The following LARGE1 variants were observed in gnomAD, a reference collection of about 807,000 sequenced individuals.
LARGE1 encodes the protein xylosyl- and glucuronyltransferase LARGE1.
Under a neutral mutation model 87.6 loss-of-function variants are expected in LARGE1, and 43 were observed. The observed-to-expected ratio is 0.49, with a 90% confidence interval of 0.38 to 0.63. The LOEUF (loss-of-function observed/expected upper bound fraction) is 0.63, where lower values mean the gene tolerates loss of function less well. Ranked by LOEUF, LARGE1 falls within the 30% of genes least tolerant of loss-of-function variation. The probability of loss-of-function intolerance (pLI) is 0.00; values close to 1 mark genes in which losing one functional copy is unlikely to be tolerated. For synonymous variants in LARGE1, 434 were observed against 394.6 expected (o/e 1.10, Z -1.18); for missense variants, 802 against 1,000.2 (o/e 0.80, Z 2.67).
chr22:33,870,591 G>A (rs1157080531), intron 1 of LARGE1, among the ~76,000 whole-genome samples: 1 of 151,644 alleles, frequency 6.6e-6, no homozygotes. Flanking sequence ...TGTTGTTTGA[G>A]ACCGTCTCGT....
intron 2 of LARGE1, among the ~76,000 whole-genome samples, chr22:33,658,644 T>C (rs2081037620): frequency 1.3e-5 from 2 of 152,248 alleles, no homozygotes; most frequent in South Asian, 2.1e-4. Context: ...CTGCATAGTA[T>C]TCCATGGTGT....
intron 6 of LARGE1, chr22:33,436,760 T>G (rs1239834426): frequency 6.6e-6 from 1 of 152,574 alleles, no homozygotes; most frequent in Non-Finnish European, 1.5e-5. Context: ...ACAGATAGCC[T>G]GCATCGAATC....
intron 7 of LARGE1, among the ~76,000 whole-genome samples, chr22:33,412,978 C>T (rs1569141996): frequency 6.6e-6 from 1 of 152,198 alleles, no homozygotes; most frequent in East Asian, 1.9e-4. Flanking sequence ...TTAATAGTGG[C>T]TATGTTTAAC....
intron 2 of LARGE1, among the ~76,000 whole-genome samples, chr22:33,660,265 C>T (rs929348068): frequency 1.8e-4 from 27 of 152,024 alleles, no homozygotes; most frequent in African/African-American, 6.3e-4. Flanking sequence ...GCATTCAAAT[C>T]GTCACCAACC....
chr22:33,426,849 A>C (rs2066899015), intron 7 of LARGE1, among the ~76,000 whole-genome samples: 1 of 152,230 alleles, frequency 6.6e-6, no homozygotes, highest in South Asian at 2.1e-4. Context: ...TTGTTTTAAA[A>C]AGCACATTCT....
chr22:33,375,459 C>T (rs972744554), intron 9 of LARGE1, among the ~76,000 whole-genome samples: 1 of 151,912 alleles, frequency 6.6e-6, no homozygotes, highest in African/African-American at 2.4e-5. Context: ...ACCAGCCTGG[C>T]ATACATGGTG....
intron 11 of LARGE1, among the ~76,000 whole-genome samples, chr22:33,208,979 C>T (rs1343905822): frequency 6.6e-6 from 1 of 152,180 alleles, no homozygotes; most frequent in Non-Finnish European, 1.5e-5. Flanking sequence ...CATTGATGGG[C>T]ATTTGGGTTG....
chr22:33,613,385 CCT>C (rs576987935), intron 4 of LARGE1, among the ~76,000 whole-genome samples: 152 of 152,282 alleles, frequency 1.0e-3, no homozygotes, highest in South Asian at 4.4e-3. Context: ...AAATAGTTCC[CCT>C]GAGCTTTAAC....
chr22:33,646,330 C>T (rs773473132), intron 3 of LARGE1, among the ~76,000 whole-genome samples: 2 of 152,060 alleles, frequency 1.3e-5, no homozygotes, highest in Non-Finnish European at 2.9e-5. Context: ...CAAACTAACA[C>T]AGGAACAGAA....
intron 6 of LARGE1, among the ~76,000 whole-genome samples, chr22:33,473,304 G>C (rs374695325): frequency 1.4e-4 from 21 of 152,056 alleles, no homozygotes; most frequent in African/African-American, 4.8e-4. Context: ...AAGTAGCTGG[G>C]ATTAAAGGCA....
chr22:33,580,796 C>T (rs1407240609), intron 5 of LARGE1, among the ~76,000 whole-genome samples: 1 of 152,214 alleles, frequency 6.6e-6, no homozygotes, highest in Non-Finnish European at 1.5e-5. Flanking sequence ...TTGCTATTTT[C>T]TCTTCAAACA....
intron 9 of LARGE1, 32 bp downstream of exon 9, chr22:33,381,887 T>TA: frequency 6.2e-7 from 1 of 1,613,498 alleles, no homozygotes. Flanking sequence ...CACCTCACCC[T>TA]ACCTCCAGGG....
chr22:33,780,629 A>G (rs1304298645), intron 1 of LARGE1, among the ~76,000 whole-genome samples: 1 of 152,242 alleles, frequency 6.6e-6, no homozygotes, highest in Non-Finnish European at 1.5e-5. Context: ...AAATTAAAAT[A>G]ACTGTGGGTT....
At chr22:33,581,595 C>T (rs565815646) in intron 5 of LARGE1, among the ~76,000 whole-genome samples, 33 of 151,952 alleles carry the variant, frequency 2.2e-4, no homozygotes, top group Non-Finnish European at 4.6e-4. Flanking sequence ...GGGCAGATCA[C>T]GAGGTCAAGA....
At chr22:33,555,292 C>T (rs149224999) in intron 6 of LARGE1, among the ~76,000 whole-genome samples, 2,005 of 152,204 alleles carry the variant, frequency 0.013, 20 homozygotes, top group Middle Eastern at 0.02. Context: ...CACACAATAA[C>T]CAGATGGAGC....
the LARGE1 span, among the ~76,000 whole-genome samples, chr22:33,092,059 C>T: frequency 4.6e-5 from 7 of 151,976 alleles, no homozygotes; most frequent in Non-Finnish European, 7.4e-5. Flanking sequence ...ACCACTACAC[C>T]CAGCTAATTT....
intron 6 of LARGE1, among the ~76,000 whole-genome samples, chr22:33,475,670 T>A (rs2148150181): frequency 6.6e-6 from 1 of 152,056 alleles, no homozygotes; most frequent in South Asian, 2.1e-4. Context: ...TCCAAGTCGG[T>A]CAGAGTGGTC....
chr22:33,156,889 T>G, the LARGE1 span, among the ~76,000 whole-genome samples: 2 of 152,142 alleles, frequency 1.3e-5, no homozygotes, highest in East Asian at 3.9e-4. Context: ...AGGTCTTTCC[T>G]GTGCTGTTAT....
chr22:33,524,309 T>A (rs1433072479), intron 6 of LARGE1, among the ~76,000 whole-genome samples: 189 of 149,556 alleles, frequency 1.3e-3, no homozygotes, highest in African/African-American at 4.4e-3. Flanking sequence ...AAAATAATAA[T>A]AATAATAAAA....
Sources: allele counts gnomAD v4.1 joint callset (sites outside exome capture counted in the v4.1 genomes callset), GRCh38; gene constraint gnomAD v4.1.1; transcripts MANE v1.5; gene names NCBI Gene and HGNC (gene_info 2026-07-23, HGNC 2026-07-21).